The following R3HDM1 variants were observed in gnomAD, a reference collection of about 807,000 sequenced individuals.
R3HDM1 encodes R3H domain-containing protein 1.
In R3HDM1, 46 loss-of-function variants were observed where a neutral mutation model predicts 141.1. The observed-to-expected ratio is 0.33, with a 90% CI of 0.26 to 0.42. The LOEUF (loss-of-function observed/expected upper bound fraction) is 0.42. R3HDM1 is among the 10% of genes least tolerant of loss of function. R3HDM1 has a pLI of 1.00. For missense variants in R3HDM1, 1,184 were observed against 1,368.3 expected (o/e 0.87, Z 2.12); for synonymous variants, 435 against 472.9 (o/e 0.92, Z 1.04).
intron 3 of R3HDM1, among the ~76,000 whole-genome samples, 194 bp from the exon 4 acceptor site, chr2:135,615,958 A>T (rs1371226636): frequency 6.6e-6 from 1 of 152,222 alleles, no homozygotes; most frequent in Non-Finnish European, 1.5e-5. Flanking sequence ...ATGCCAACCT[A>T]TCAGGATTTT....
chr2:135,702,341 TG>T (rs2074328452), intron 21 of R3HDM1, among the ~76,000 whole-genome samples: 1 of 150,536 alleles, frequency 6.6e-6, no homozygotes, highest in African/African-American at 2.5e-5. Context: ...CTGGCCAACA[TG>T]GCAAAACCCC....
chr2:135,562,187 C>T (rs1473760031), intron 1 of R3HDM1, among the ~76,000 whole-genome samples: 1 of 152,146 alleles, frequency 6.6e-6, no homozygotes, highest in Non-Finnish European at 1.5e-5. Context: ...ATCTTCACAG[C>T]GGTGACTAAT....
Position 135,723,936 on chromosome 2 carries a change from G to C in R3HDM1, c.3050-1G>C. On this transcript the variant is annotated splice_acceptor_variant, in intron 26 of 26. Transcript: ENST00000683871. LOFTEE classifies it high-confidence loss of function. ...TTGATTCTGTACCTTTTCTATTCTAGTTGTTGGGAAGGTCTTGGAAATTAC... is the reference window on the plus strand; with the variant it reads ...TTGATTCTGTACCTTTTCTATTCTACTTGTTGGGAAGGTCTTGGAAATTAC... The C allele has an allele frequency of 6.2e-7, 1 of 1,604,432 alleles. No homozygotes were observed. Among genetic ancestry groups the C allele is most frequent in the Non-Finnish European group, 8.5e-7 (1 of 1,173,266 alleles).
chr2:135,645,032 A>C (rs571798296), intron 15 of R3HDM1, among the ~76,000 whole-genome samples: 36 of 152,312 alleles, frequency 2.4e-4, no homozygotes, highest in African/African-American at 7.7e-4. Context: ...CACTGAGGTG[A>C]GATTGTGCCA....
chr2:135,545,406 C>T (rs1159427191), intron 1 of R3HDM1, among the ~76,000 whole-genome samples: 4 of 152,058 alleles, frequency 2.6e-5, no homozygotes, highest in East Asian at 1.9e-4. Flanking sequence ...TGGAATGGAG[C>T]GTAGGGCCTG....
At chr2:135,704,621 C>T (rs2074662376) in intron 21 of R3HDM1, among the ~76,000 whole-genome samples, 1 of 151,958 alleles carries the variant, frequency 6.6e-6, no homozygotes, top group Admixed American at 6.6e-5. Flanking sequence ...CAGTCATGCA[C>T]CACCACACCC....
At chr2:135,652,217 A>G (rs770268647) in intron 18 of R3HDM1, among the ~76,000 whole-genome samples, 185 bp downstream of exon 18, 1 of 152,230 alleles carries the variant, frequency 6.6e-6, no homozygotes, top group Non-Finnish European at 1.5e-5. Context: ...ATGACAGGTA[A>G]ATGCTCCAGT....
chr2:135,709,115 A>G (rs990599304), intron 21 of R3HDM1, among the ~76,000 whole-genome samples: 1 of 151,882 alleles, frequency 6.6e-6, no homozygotes, highest in Non-Finnish European at 1.5e-5. Flanking sequence ...GCTCTGTCGC[A>G]CAGGCTGGAG....
chr2:135,675,414 T>C lies in R3HDM1; in HGVS notation c.2235T>C (p.Ser745=). 6.2e-7 allele frequency: 1 copy of C among 1,614,024 alleles called. No individual in the cohort carries two copies. The highest frequency in any genetic ancestry group is 8.5e-7 in the Non-Finnish European group (1 of 1,179,926). ...VQQPQSQSLV[S]GQPNSIGNQI... ...AACCCCAGAGTCAGAGCCTAGTCAGTGGCCAACCCAACAGCATTGGAAATC... is the reference window on the plus strand; with the variant it reads ...AACCCCAGAGTCAGAGCCTAGTCAGCGGCCAACCCAACAGCATTGGAAATC... The change falls in exon 20 of 27, where the codon AGT becomes AGC. Residue 745 remains serine, a synonymous_variant. Coordinates refer to ENST00000683871, the MANE Select transcript of R3HDM1 (RefSeq NM_001378107.1).
At chr2:135,632,241 G>A (rs2062781419) in intron 9 of R3HDM1, among the ~76,000 whole-genome samples, 1 of 151,080 alleles carries the variant, frequency 6.6e-6, no homozygotes, top group Non-Finnish European at 1.5e-5. Context: ...TAAAAATCCA[G>A]AGGACATAGT....
Position 135,724,165 on chromosome 2 carries a change from C to T in R3HDM1, c.3278C>T (p.Thr1093Ile). The change falls in exon 27 of 27, where the codon ACA becomes ATA. Residue 1093 changes from threonine (T) to isoleucine (I), a missense_variant. Thr to Ile is a moderately conservative substitution (Grantham distance 89, BLOSUM62 -1). Transcript: ENST00000683871. ...GCCTCCACCTACACCGTCTTAGCCA[C>T]ATTCCCCTCCATTTCAGCTGCACAG... ...DLASTYTVLA[T>I]FPSISAAQNA... is the part of the protein sequence containing the mutation. The T allele has an allele frequency of 6.2e-7, 1 of 1,613,994 alleles. No homozygotes were observed. The highest frequency in any genetic ancestry group is 8.5e-7 in the Non-Finnish European group (1 of 1,179,856).
At chr2:135,721,760 A>G (rs2076718809) in intron 24 of R3HDM1, 164 bp from the exon 25 acceptor site, 2 of 462,576 alleles carry the variant, frequency 4.3e-6, no homozygotes, top group South Asian at 4.2e-5. Context: ...GCTAATTTTT[A>G]TATTTTTATT....
In R3HDM1 at chr2:135,724,004, T is replaced by G; in HGVS notation, c.3117T>G (p.Leu1039=). The G allele has an allele frequency of 6.2e-7, 1 of 1,613,886 alleles. No individual in the cohort carries two copies. Among genetic ancestry groups the G allele is most frequent in the Non-Finnish European group, 8.5e-7 (1 of 1,179,986 alleles). Residue 1039 remains leucine (L), a synonymous_variant, in exon 27 of 27, where the codon CTT becomes CTG. Coordinates refer to ENST00000683871, the MANE Select transcript of R3HDM1 (RefSeq NM_001378107.1). ...DGITRMEAEK[L]FGELFKIGAK... ...TAACTCGCATGGAAGCTGAAAAGCT[T>G]TTTGGGGAACTCTTTAAAATTGGCG...
intron 2 of R3HDM1, among the ~76,000 whole-genome samples, chr2:135,603,761 C>G (rs2059818297): frequency 6.6e-6 from 1 of 152,180 alleles, no homozygotes; most frequent in Admixed American, 6.5e-5. Flanking sequence ...CATGCACCAC[C>G]ATGCCTGGCT....
intron 7 of R3HDM1, among the ~76,000 whole-genome samples, chr2:135,628,751 A>G (rs2062313839): frequency 6.6e-6 from 1 of 151,894 alleles, no homozygotes; most frequent in African/African-American, 2.4e-5. Flanking sequence ...CTCAGCCTCC[A>G]AGTAGCTGGG....
intron 1 of R3HDM1, among the ~76,000 whole-genome samples, chr2:135,542,606 TTTATA>T (rs1559089186): frequency 1.3e-5 from 2 of 152,190 alleles, no homozygotes; most frequent in Non-Finnish European, 2.9e-5. Flanking sequence ...CAACCAGATA[TTTATA>T]TTATAAGCAT....
At chr2:135,628,791 A>C (rs555142494) in intron 7 of R3HDM1, among the ~76,000 whole-genome samples, 1 of 151,800 alleles carries the variant, frequency 6.6e-6, no homozygotes, top group Non-Finnish European at 1.5e-5. Context: ...ACGCCCGGCT[A>C]TTTTTGTATT....
In R3HDM1 at chr2:135,641,677, C is replaced by A; in HGVS notation, c.1361C>A (p.Ser454Tyr). 1 of 1,614,144 alleles carries A rather than the reference C, an allele frequency of 6.2e-7. No homozygotes were observed. The highest frequency in any genetic ancestry group is 8.5e-7 in the Non-Finnish European group (1 of 1,180,020). ...YPTVSTHSSLSFDGGLNGQVA... is the reference protein window; with the variant it reads ...YPTVSTHSSLYFDGGLNGQVA... ...ACTGTCAGCACTCATAGTTCTCTTT[C>A]CTTTGATGGTGGCCTAAATGGGCAA... Residue 454 changes from serine to tyrosine, a missense_variant, in exon 15 of 27, where the codon TCC (serine) becomes TAC (tyrosine). Physicochemically the swap from Ser to Tyr is moderately radical, Grantham distance 144 (BLOSUM62 -2). Around this residue, in one of 5 missense-constraint regions of R3HDM1, gnomAD observed 240 missense variants for 312.3 expected, o/e 0.77. Coordinates refer to ENST00000683871, the MANE Select transcript of R3HDM1 (RefSeq NM_001378107.1).
chr2:135,662,980 G>A (rs2066931596), intron 19 of R3HDM1, among the ~76,000 whole-genome samples: 1 of 151,842 alleles, frequency 6.6e-6, no homozygotes. Context: ...TATTAATAAG[G>A]CAAGCAAAAA....
Sources: gnomAD v4.1 joint callset for allele counts (sites outside exome capture counted in the v4.1 genomes callset) on GRCh38, gnomAD v4.1.1 for gene constraint, gnomAD v4.1.1 regional missense constraint, MANE v1.5 for transcripts, NCBI Gene and HGNC (gene_info 2026-07-23, HGNC 2026-07-21) for gene names.